CACNB4: variants seen among roughly 807,000 people sequenced by gnomAD.
CACNB4 encodes the protein calcium voltage-gated channel auxiliary subunit beta 4, also known as voltage-dependent L-type calcium channel subunit beta-4.
Under a neutral mutation model 71.2 loss-of-function variants are expected in CACNB4, and 32 were observed. The observed-to-expected ratio is 0.45, with a 90% CI of 0.34 to 0.60. The LOEUF (loss-of-function observed/expected upper bound fraction) is 0.60, where lower values mean the gene tolerates loss of function less well. CACNB4 is among the 20% of genes least tolerant of loss of function. The pLI is 0.01. For missense variants in CACNB4, 464 were observed against 647.9 expected, an observed-to-expected ratio of 0.72 and a Z score of 3.08; for synonymous variants, 231 against 236.9, an observed-to-expected ratio of 0.97 and a Z score of 0.23.
intron 2 of CACNB4, among the ~76,000 whole-genome samples, chr2:152,013,425 C>A (rs906049161): frequency 6.6e-6 from 1 of 152,102 alleles, no homozygotes; most frequent in South Asian, 2.1e-4. Flanking sequence ...TGTCATCAAG[C>A]AGCAGGTACA....
intron 9 of CACNB4, among the ~76,000 whole-genome samples, chr2:151,863,664 C>CT (rs554735370): frequency 2.0e-4 from 31 of 151,694 alleles, no homozygotes; most frequent in East Asian, 3.9e-4. Context: ...CAGATTCACA[C>CT]TTTTTTTTTC....
chr2:151,848,295 G>C (rs2099838129), intron 12 of CACNB4, among the ~76,000 whole-genome samples: 1 of 152,152 alleles, frequency 6.6e-6, no homozygotes. Context: ...ATCCCATGTG[G>C]TCTTATTTCA....
At chr2:151,955,951 CAAAG>C (rs1560064797) in intron 2 of CACNB4, among the ~76,000 whole-genome samples, 1 of 151,516 alleles carries the variant, frequency 6.6e-6, no homozygotes, top group Non-Finnish European at 1.5e-5. Flanking sequence ...TTGAGCAATT[CAAAG>C]TCTATAAAGT....
intron 2 of CACNB4, among the ~76,000 whole-genome samples, chr2:152,060,810 T>A (rs1003871557): frequency 5.9e-5 from 9 of 152,196 alleles, no homozygotes; most frequent in African/African-American, 1.9e-4. Context: ...TACAGTCTTA[T>A]ATGAAAATAT....
chr2:151,913,176 G>A (rs191920058), intron 2 of CACNB4, among the ~76,000 whole-genome samples: 113 of 152,244 alleles, frequency 7.4e-4, no homozygotes, highest in African/African-American at 2.6e-3. Flanking sequence ...CTTAAGGTTA[G>A]TATTGCTATG....
At chr2:152,039,922 G>A (rs1417290546) in intron 2 of CACNB4, among the ~76,000 whole-genome samples, 1 of 152,212 alleles carries the variant, frequency 6.6e-6, no homozygotes, top group Non-Finnish European at 1.5e-5. Context: ...TATGATTCTT[G>A]TGTACACCGA....
At chr2:151,867,980 G>C (rs1329348055) in intron 9 of CACNB4, 2 of 152,160 alleles carry the variant, frequency 1.3e-5, no homozygotes, top group East Asian at 3.8e-4. Flanking sequence ...AAGGCAGCCT[G>C]ACCTATATAC....
At chr2:151,999,374 T>C (rs960319871) in intron 2 of CACNB4, among the ~76,000 whole-genome samples, 64 of 36,974 alleles carry the variant, frequency 1.7e-3, no homozygotes, top group Non-Finnish European at 7.8e-3. Context: ...CGCCCTGTTA[T>C]GGTTTTTTTT....
At chr2:151,954,913 G>A (rs1190070355) in intron 2 of CACNB4, among the ~76,000 whole-genome samples, 1 of 144,438 alleles carries the variant, frequency 6.9e-6, no homozygotes, top group Non-Finnish European at 1.5e-5. Flanking sequence ...GAGTGCAGTG[G>A]GGCGATCTCA....
chr2:152,035,998 G>A (rs1016571020), intron 2 of CACNB4, among the ~76,000 whole-genome samples: 3 of 152,084 alleles, frequency 2.0e-5, no homozygotes, highest in Non-Finnish European at 2.9e-5. Context: ...CTTAAAAAAG[G>A]AGGAAATCCT....
intron 2 of CACNB4, among the ~76,000 whole-genome samples, chr2:151,944,027 C>G (rs78296798): frequency 7.4e-6 from 1 of 134,892 alleles, no homozygotes; most frequent in African/African-American, 2.7e-5. Context: ...TACTTTCTTT[C>G]TTTTTTTTTT....
At chr2:152,072,622 G>A (rs1418589421) in intron 2 of CACNB4, among the ~76,000 whole-genome samples, 1 of 151,734 alleles carries the variant, frequency 6.6e-6, no homozygotes, top group Non-Finnish European at 1.5e-5. Context: ...CACAGAAGTT[G>A]ATTACCTCCA....
At chr2:151,882,908 T>G (rs925702313) in intron 3 of CACNB4, 2 of 352,454 alleles carry the variant, frequency 5.7e-6, no homozygotes, top group Non-Finnish European at 1.1e-5. Flanking sequence ...TAATAAAGGC[T>G]GAAGTAATGG....
intron 2 of CACNB4, among the ~76,000 whole-genome samples, chr2:151,981,784 A>G (rs900561644): frequency 6.6e-6 from 1 of 152,186 alleles, no homozygotes; most frequent in African/African-American, 2.4e-5. Flanking sequence ...CTAAGCTGGT[A>G]TAATATAGAT....
At chr2:152,007,947 T>A (rs1682825572) in intron 2 of CACNB4, among the ~76,000 whole-genome samples, 1 of 151,882 alleles carries the variant, frequency 6.6e-6, no homozygotes, top group Non-Finnish European at 1.5e-5. Context: ...AATTTTTGTA[T>A]TTTTAGTAGA....
chr2:151,960,898 C>T (rs1033881654), intron 2 of CACNB4, among the ~76,000 whole-genome samples: 1 of 152,182 alleles, frequency 6.6e-6, no homozygotes, highest in African/African-American at 2.4e-5. Context: ...TAGAAATGTG[C>T]ACATATCATA....
Position 151,860,834 on chromosome 2 carries a change from C to T in CACNB4, c.759-14G>A, listed in dbSNP as rs530729766. The T allele has an allele frequency of 7.8e-6, 12 of 1,533,068 alleles. No homozygotes were observed. The South Asian group carries it at 1.3e-4, about 17-fold the overall frequency. 95.0% of individuals were successfully genotyped at this position (1,533,068 alleles called of 1,614,324 possible). On this transcript the variant is annotated splice_polypyrimidine_tract_variant and intron_variant, in intron 9 of 13. Coordinates refer to ENST00000539935, the MANE Select transcript of CACNB4 (RefSeq NM_000726.5). ...GTTATTGAAATCCTATGAATAGGAACACAGAACAGAACAAGCCAGTAAAAA... is the reference window on the plus strand; with the variant it reads ...GTTATTGAAATCCTATGAATAGGAATACAGAACAGAACAAGCCAGTAAAAA...
intron 2 of CACNB4, among the ~76,000 whole-genome samples, chr2:151,939,703 G>A (rs540638265): frequency 3.0e-4 from 46 of 152,168 alleles, no homozygotes; most frequent in Middle Eastern, 6.8e-3. Context: ...CTTCCAAACT[G>A]CTCCATGTGA....
At chr2:151,932,496 AG>A (rs1207743299) in intron 2 of CACNB4, among the ~76,000 whole-genome samples, 2 of 152,160 alleles carry the variant, frequency 1.3e-5, no homozygotes, top group African/African-American at 4.8e-5. Flanking sequence ...CCCCTGAAAA[AG>A]ATATGTTGAA....
Sources: gnomAD v4.1 joint callset for allele counts (sites outside exome capture counted in the v4.1 genomes callset) on GRCh38, gnomAD v4.1.1 for gene constraint, MANE v1.5 for transcripts, NCBI Gene and HGNC (gene_info 2026-07-23, HGNC 2026-07-21) for gene names.